Variants in TDRD9 observed in about 807,000 individuals in gnomAD.
The protein encoded by TDRD9 is tudor domain containing 9.
A neutral mutation model predicts 172.6 loss-of-function variants in TDRD9; 124 were observed. The ratio of observed to expected loss-of-function variants is 0.72; its 90% confidence interval spans 0.62 to 0.83. TDRD9 has a LOEUF of 0.83. TDRD9 is among the 40% of genes least tolerant of loss of function. The probability of loss-of-function intolerance (pLI) is 0.00; values close to 1 mark genes in which losing one functional copy is unlikely to be tolerated. For missense variants in TDRD9, 1,479 were observed against 1,714.1 expected (o/e 0.86, Z 2.42); for synonymous variants, 619 against 617.1 (o/e 1.00, Z -0.05).
chr14:104,049,926 T>G (rs2035893180), intron 35 of TDRD9: 4 of 450,918 alleles, frequency 8.9e-6, no homozygotes, highest in Non-Finnish European at 1.6e-5. Flanking sequence ...GCCTGTGAGT[T>G]GGGAAAAAAA....
chr14:104,042,007 A>C, intron 33 of TDRD9, 62 bp from the exon 34 acceptor site: 1 of 1,083,500 alleles, frequency 9.2e-7, no homozygotes, highest in Non-Finnish European at 1.4e-6. Flanking sequence ...TGAATTCTCT[A>C]ACGGGATGAA....
In TDRD9 at chr14:103,928,694, C is replaced by G; in HGVS notation, c.185C>G (p.Ala62Gly). The stretch of plus-strand genomic sequence containing the variant: ...GCCCAGGCTCCGGCTCTGGCCCAAG[C>G]TCCGGCCCGGCCGGCCGCTGCGTTC... ...PAAQAPALAQAPARPAAAFER... is the reference protein window; with the variant it reads ...PAAQAPALAQGPARPAAAFER... Residue 62 changes from alanine (A) to glycine (G), a missense_variant, in exon 1 of 36, where the codon GCT (alanine) becomes GGT (glycine). Physicochemically the swap from Ala to Gly is moderately conservative, Grantham distance 60 (BLOSUM62 0). Transcript: ENST00000409874. 1 of 1,201,452 alleles carries G rather than the reference C, an allele frequency of 8.3e-7. No homozygotes were observed. The highest frequency in any genetic ancestry group is 1.0e-6 in the Non-Finnish European group (1 of 959,960). The allele number at this position is 1,201,452 out of a possible 1,614,324, so 74.4% of individuals were successfully genotyped here. A position where few individuals can be genotyped will look rare whatever the true frequency, so the allele number is the denominator to read the frequency against.
chr14:103,982,413 T>C, intron 7 of TDRD9, among the ~76,000 whole-genome samples: 1 of 152,126 alleles, frequency 6.6e-6, no homozygotes, highest in Admixed American at 6.6e-5. Context: ...CTCCTTGTCG[T>C]TAGGAGAGCT....
chr14:103,961,000 C>A (rs1485656605), intron 2 of TDRD9, among the ~76,000 whole-genome samples: 1 of 152,152 alleles, frequency 6.6e-6, no homozygotes, highest in East Asian at 1.9e-4. Flanking sequence ...GCTTCTTACT[C>A]CCACCCTGTT....
At chr14:103,960,221 A>G (rs998104908) in intron 2 of TDRD9, among the ~76,000 whole-genome samples, 5 of 151,172 alleles carry the variant, frequency 3.3e-5, no homozygotes, top group South Asian at 2.1e-4. Context: ...AGATTTGAAG[A>G]TAAGTCTTAA....
Position 104,008,416 on chromosome 14 carries a change from G to T in TDRD9, c.2056G>T (p.Glu686Ter). The T allele has an allele frequency of 6.5e-7, 1 of 1,528,864 alleles. No homozygotes were observed. Among genetic ancestry groups the T allele is most frequent in the East Asian group, 2.3e-5 (1 of 44,252 alleles). 94.7% of individuals were successfully genotyped at this position (1,528,864 alleles called of 1,614,324 possible). A position where few individuals can be genotyped will look rare whatever the true frequency, so the allele number is the denominator to read the frequency against. ...QTGELRYPKD[E>*]LNWGRLNYIQ... ...TTCTGCTTTTATATATTTAAAGGAT[G>T]AACTTAATTGGGGACGGTTAAATTA... Residue 686 changes from glutamate (E) to a stop codon, truncating the protein, a stop_gained, in exon 20 of 36, where the codon GAA (glutamate) becomes TAA (stop). Transcript: ENST00000409874. LOFTEE classifies it high-confidence loss of function.
At chr14:103,998,387 G>C (rs1030280808) in intron 12 of TDRD9, among the ~76,000 whole-genome samples, 1 of 151,880 alleles carries the variant, frequency 6.6e-6, no homozygotes, top group African/African-American at 2.4e-5. Context: ...TGACACGTTG[G>C]GTCTTACGGG....
chr14:103,998,420 G>A (rs1231726053), intron 12 of TDRD9, among the ~76,000 whole-genome samples: 1 of 152,080 alleles, frequency 6.6e-6, no homozygotes. Flanking sequence ...TACACCTAGA[G>A]ACTCCCTGTA....
intron 1 of TDRD9, among the ~76,000 whole-genome samples, chr14:103,942,525 A>T (rs1384437299): frequency 1.3e-5 from 2 of 152,192 alleles, no homozygotes; most frequent in Non-Finnish European, 2.9e-5. Flanking sequence ...GCTAGAGTGA[A>T]GACTGTCGCG....
At chr14:104,022,370 T>C in intron 24 of TDRD9, 40 bp downstream of exon 24, 1 of 1,584,718 alleles carries the variant, frequency 6.3e-7, no homozygotes, top group Non-Finnish European at 8.6e-7. Context: ...CCGTGCCTGC[T>C]TTCACATTCT....
chr14:103,984,466 C>T (rs560464719), intron 7 of TDRD9, among the ~76,000 whole-genome samples: 2 of 152,360 alleles, frequency 1.3e-5, no homozygotes, highest in African/African-American at 4.8e-5. Context: ...ACAAAGAGCT[C>T]ATGCCGTGTC....
At chr14:104,021,985 T>C (rs1488670209) in intron 23 of TDRD9, among the ~76,000 whole-genome samples, 172 bp from the exon 24 acceptor site, 1 of 152,238 alleles carries the variant, frequency 6.6e-6, no homozygotes, top group Non-Finnish European at 1.5e-5. Flanking sequence ...TCTCTTCAAT[T>C]AATAATTTTC....
chr14:104,002,469 A>G (rs2034294532), intron 13 of TDRD9, among the ~76,000 whole-genome samples: 1 of 152,192 alleles, frequency 6.6e-6, no homozygotes, highest in Non-Finnish European at 1.5e-5. Flanking sequence ...TTATGAACAG[A>G]AAAAGGAAAG....
intron 1 of TDRD9, among the ~76,000 whole-genome samples, chr14:103,930,898 A>G (rs1270996053): frequency 6.6e-6 from 1 of 152,292 alleles, no homozygotes; most frequent in East Asian, 1.9e-4. Flanking sequence ...AGTTTTTAAG[A>G]TTTCTAGTCC....
chr14:103,981,297 G>T (rs2033464585), intron 7 of TDRD9, among the ~76,000 whole-genome samples: 1 of 152,180 alleles, frequency 6.6e-6, no homozygotes, highest in Non-Finnish European at 1.5e-5. Context: ...GATGTTCATT[G>T]TGTATTTTCT....
chr14:104,035,715 T>G (rs2035431083), intron 32 of TDRD9, among the ~76,000 whole-genome samples: 1 of 152,152 alleles, frequency 6.6e-6, no homozygotes, highest in African/African-American at 2.4e-5. Context: ...AGGAGTAATA[T>G]TTGGGCTTTA....
chr14:104,002,612 G>GGGTT (rs2034299011), intron 13 of TDRD9, among the ~76,000 whole-genome samples: 1 of 152,128 alleles, frequency 6.6e-6, no homozygotes, highest in South Asian at 2.1e-4. Context: ...GCATAAGAGT[G>GGGTT]GGTTATAGTC....
chr14:103,996,429 A>G (rs1483757001), intron 12 of TDRD9, among the ~76,000 whole-genome samples: 1 of 152,306 alleles, frequency 6.6e-6, no homozygotes, highest in African/African-American at 2.4e-5. Context: ...GTACAGGTCA[A>G]TGTTGTGTAG....
At chr14:104,039,263 A>C (rs978918135) in intron 32 of TDRD9, among the ~76,000 whole-genome samples, 1 of 152,226 alleles carries the variant, frequency 6.6e-6, no homozygotes, top group Non-Finnish European at 1.5e-5. Flanking sequence ...ACTGCCTTCC[A>C]GAGGGTCCCT....
Sources: allele counts gnomAD v4.1 joint callset (sites outside exome capture counted in the v4.1 genomes callset), GRCh38; gene constraint gnomAD v4.1.1; transcripts MANE v1.5; gene names NCBI Gene and HGNC (gene_info 2026-07-23, HGNC 2026-07-21).